SLIT1: variants seen among roughly 807,000 people sequenced by gnomAD.
The protein encoded by SLIT1 is slit guidance ligand 1, also known as slit homolog 1 protein.
Under a neutral mutation model 186.1 loss-of-function variants are expected in SLIT1, and 66 were observed. The observed-to-expected ratio is 0.35, with a 90% CI of 0.29 to 0.44. The LOEUF (loss-of-function observed/expected upper bound fraction) is 0.44, where lower values mean the gene tolerates loss of function less well. Among genes scored for constraint, SLIT1 ranks in the 20% least tolerant of loss-of-function variants. The pLI is 1.00. For synonymous variants in SLIT1, 761 were observed against 833.8 expected, an observed-to-expected ratio of 0.91 and a Z score of 1.50; for missense variants, 1,638 against 2,037.4, an observed-to-expected ratio of 0.80 and a Z score of 3.77.
chr10:97,079,452 A>G (rs550710739), intron 4 of SLIT1, among the ~76,000 whole-genome samples: 34 of 152,362 alleles, frequency 2.2e-4, no homozygotes, highest in South Asian at 1.0e-3. Context: ...AGTTTTAAAA[A>G]GTAACATGGG....
intron 1 of SLIT1, among the ~76,000 whole-genome samples, chr10:97,166,553 AGGAAAGAG>A (rs1487501500): frequency 1.6e-4 from 8 of 48,728 alleles, no homozygotes; most frequent in Non-Finnish European, 2.8e-4. Flanking sequence ...GAAGGAAGGA[AGGAAAGAG>A]AGAGAGAGAG....
chr10:97,164,966 C>T, intron 1 of SLIT1, 76 bp from the exon 2 acceptor site: 1 of 1,102,532 alleles, frequency 9.1e-7, no homozygotes, highest in Non-Finnish European at 1.4e-6. Flanking sequence ...GCTCCAGGTG[C>T]CCTCCCCGCC....
intron 11 of SLIT1, 132 bp from the exon 12 acceptor site, chr10:97,057,413 T>C (rs1157956451): frequency 7.7e-6 from 5 of 645,736 alleles, no homozygotes; most frequent in African/African-American, 1.8e-5. Context: ...ATGGTGTATA[T>C]TTGTTATAGC....
intron 4 of SLIT1, among the ~76,000 whole-genome samples, chr10:97,097,358 G>A (rs781213358): frequency 2.0e-5 from 3 of 152,192 alleles, no homozygotes; most frequent in Non-Finnish European, 4.4e-5. Context: ...ACTTGTAGAA[G>A]GTCTCAGAGA....
chr10:97,026,463 T>A (rs977646752), intron 25 of SLIT1, among the ~76,000 whole-genome samples: 11 of 122,686 alleles, frequency 9.0e-5, no homozygotes, highest in Non-Finnish European at 1.4e-4. Flanking sequence ...AAACTCCGTC[T>A]CTAAATAAAT....
At chr10:97,025,142 C>T (rs536401442) in intron 25 of SLIT1, among the ~76,000 whole-genome samples, 3 of 152,158 alleles carry the variant, frequency 2.0e-5, no homozygotes, top group Admixed American at 6.5e-5. Context: ...TGGTGACAGG[C>T]GCCTGTAATC....
chr10:97,001,362 A>AGAC lies in SLIT1; in HGVS notation c.4367-15_4367-13dup. ...CCGGCACTCGGACTCTGGATGGGAC[A>AGAC]GACACCAAGAGAAAGCCTCAGGGCA... On this transcript the variant is annotated splice_polypyrimidine_tract_variant and intron_variant, in intron 36 of 36. Coordinates refer to ENST00000266058, the MANE Select transcript of SLIT1 (RefSeq NM_003061.3). The AGAC allele has an allele frequency of 6.2e-7, 1 of 1,602,174 alleles. No individual in the cohort carries two copies. Among genetic ancestry groups the AGAC allele is most frequent in the South Asian group, 1.1e-5 (1 of 90,622 alleles).
rs1035142076 is a variant in SLIT1, at chr10:97,010,497, C to G, written c.3341+496G>C. Among the ~76,000 whole-genome samples, 1 of 152,200 alleles carries G rather than the reference C, an allele frequency of 6.6e-6. No homozygotes were observed. Among genetic ancestry groups the G allele is most frequent in the Admixed American group, 6.5e-5 (1 of 15,278 alleles). On this transcript the variant is annotated intron_variant, in intron 31 of 36. Transcript: ENST00000266058. The surrounding 1 kb of genome is among the most constrained non-coding windows in gnomAD (Gnocchi z 4.8). ...AAAATTGGTTGTGGTGATGGATACA[C>G]AACTCTGGGAATAAACTAAAAGTCA...
In SLIT1 at chr10:97,040,750, G is replaced by A. The variant is rs953459785; in HGVS notation, c.2165-630C>T. ...TGGCTGCCGCAAAATCCGAGCCCTC[G>A]ATACCACACCATCCCTTCATTGATT... On this transcript the variant is annotated intron_variant, in intron 20 of 36. Transcript: ENST00000266058. 3.9e-5 allele frequency among the ~76,000 whole-genome samples: 6 copies of A among 152,126 alleles called. No homozygotes were observed. The South Asian group carries it at 6.2e-4, about 16-fold the overall frequency.
chr10:97,027,345 C>T (rs948656316), intron 25 of SLIT1, among the ~76,000 whole-genome samples: 1 of 152,242 alleles, frequency 6.6e-6, no homozygotes, highest in East Asian at 1.9e-4. Flanking sequence ...TATGTGTGTA[C>T]ATGACATATA....
At chr10:97,062,096 C>A (rs1452219856) in intron 8 of SLIT1, among the ~76,000 whole-genome samples, 2 of 152,220 alleles carry the variant, frequency 1.3e-5, no homozygotes, top group Non-Finnish European at 2.9e-5. Flanking sequence ...TAAAAATTGT[C>A]CAAGTGATTT....
chr10:97,019,073 A>T lies in SLIT1; in HGVS notation c.2781T>A (p.Asp927Glu), dbSNP rs1848480458. The change falls in exon 27 of 37, where the codon GAT (aspartate) becomes GAA (glutamate). Residue 927 changes from aspartate (D) to glutamate (E), a missense_variant. Transcript: ENST00000266058. ...PPTLAVQAKC[D>E]LCLSSPCQNQ... ...TCTGGCACGGACTGGACAAGCAGAG[A>T]TCACACTTGGCCTGGACAGCCAGCG... is the stretch of plus-strand genomic sequence containing the variant. 6.2e-7 allele frequency: 1 copy of T among 1,613,848 alleles called. No individual in the cohort carries two copies. The highest frequency in any genetic ancestry group is 1.3e-5 in the African/African-American group (1 of 74,900).
chr10:97,093,397 G>C (rs962609794), intron 4 of SLIT1, among the ~76,000 whole-genome samples: 1 of 152,220 alleles, frequency 6.6e-6, no homozygotes, highest in Non-Finnish European at 1.5e-5. Context: ...AGTAGCCAAG[G>C]CTTAAGTAGA....
intron 4 of SLIT1, among the ~76,000 whole-genome samples, chr10:97,118,556 C>T (rs961547146): frequency 1.3e-5 from 2 of 152,200 alleles, no homozygotes; most frequent in Admixed American, 1.3e-4. Context: ...AGGTTCTGAC[C>T]TTCAATAGAA....
chr10:97,042,886 G>A lies in SLIT1; in HGVS notation c.2164+15C>T, dbSNP rs771061076. ...AGGGCGCCCTCTCCCTTGCCACCGG[G>A]GGGCCACGAGTTACCTTCCTCACAC... is the stretch of plus-strand genomic sequence containing the variant. On this transcript the variant is annotated intron_variant, in intron 20 of 36. Coordinates refer to ENST00000266058, the MANE Select transcript of SLIT1 (RefSeq NM_003061.3). The A allele has an allele frequency of 3.1e-6, 5 of 1,611,550 alleles. No individual in the cohort carries two copies. Among genetic ancestry groups the A allele is most frequent in the Non-Finnish European group, 4.2e-6 (5 of 1,178,334 alleles).
rs151313684 is a variant in SLIT1, at chr10:97,168,413, C to T, written c.198-3523G>A. On this transcript the variant is annotated intron_variant, in intron 1 of 36. Coordinates refer to ENST00000266058, the MANE Select transcript of SLIT1 (RefSeq NM_003061.3). The stretch of plus-strand genomic sequence containing the variant: ...CCCTCAAACCTGTTTTTGCTGGAAA[C>T]GATTTTTATATAGTTAATTCAACAA... Among the ~76,000 whole-genome samples the T allele has an allele frequency of 2.5e-4, 38 of 152,236 alleles. No homozygotes were observed. In the East Asian group the frequency reaches 6.2e-3, roughly 25 times the overall value.
chr10:97,046,644 G>T lies in SLIT1; in HGVS notation c.1853+10C>A. On this transcript the variant is annotated intron_variant, in intron 18 of 36. Transcript: ENST00000266058. Reference sequence around the variant, plus strand: ...CTGGCCCACCCTGCTCCCCAGCCCTGCACACTCACAGGGTCCTCAAGCCAT... The same window carrying T: ...CTGGCCCACCCTGCTCCCCAGCCCTTCACACTCACAGGGTCCTCAAGCCAT... 1 of 1,601,356 alleles carries T rather than the reference G, an allele frequency of 6.2e-7. No homozygotes were observed. The highest frequency in any genetic ancestry group is 1.7e-5 in the Admixed American group (1 of 59,662).
intron 3 of SLIT1, among the ~76,000 whole-genome samples, chr10:97,161,168 A>G (rs549693375): frequency 2.9e-4 from 44 of 152,188 alleles, no homozygotes; most frequent in Non-Finnish European, 5.1e-4. Flanking sequence ...CCACTCACCC[A>G]GTGGGGTCAT....
intron 31 of SLIT1, among the ~76,000 whole-genome samples, chr10:97,008,712 A>G (rs1183013148): frequency 3.4e-5 from 5 of 148,386 alleles, no homozygotes; most frequent in African/African-American, 7.5e-5. Context: ...AAAAAAAAAA[A>G]GGGAATACTA....
Sources: allele counts gnomAD v4.1 joint callset (sites outside exome capture counted in the v4.1 genomes callset), GRCh38; gene constraint gnomAD v4.1.1; non-coding constraint Gnocchi (gnomAD v3.1); transcripts MANE v1.5; gene names NCBI Gene and HGNC (gene_info 2026-07-23, HGNC 2026-07-21).